Variants in KIRREL3 observed in about 807,000 individuals in gnomAD.
KIRREL3 encodes kin of IRRE-like protein 3.
Under a neutral mutation model 89.7 loss-of-function variants are expected in KIRREL3, and 36 were observed. The ratio of observed to expected loss-of-function variants is 0.40; its 90% CI spans 0.31 to 0.53. The LOEUF (loss-of-function observed/expected upper bound fraction) is 0.53, where lower values mean the gene tolerates loss of function less well. Among genes scored for constraint, KIRREL3 ranks in the 20% least tolerant of loss-of-function variants. The pLI is 0.49. For missense variants in KIRREL3, 864 were observed against 1,056.6 expected (o/e 0.82, Z 2.53); for synonymous variants, 445 against 441.4 (o/e 1.01, Z -0.10).
Position 126,722,664 on chromosome 11 carries a change from C to A in KIRREL3, c.56-159752G>T, listed in dbSNP as rs1948221367. 1.3e-5 allele frequency among the ~76,000 whole-genome samples: 2 copies of A among 152,256 alleles called. 1 individual carries two copies. Among genetic ancestry groups the A allele is most frequent in the South Asian group, 4.1e-4 (2 of 4,834 alleles). On this transcript the variant is annotated intron_variant, in intron 1 of 16. Coordinates refer to ENST00000525144, the MANE Select transcript of KIRREL3 (RefSeq NM_032531.4). ...GAATGTTTACTGACTAGTGATTAGCCTTTTCCAGGAAAAATGTGCTGAGCT... is the reference window on the plus strand; with the variant it reads ...GAATGTTTACTGACTAGTGATTAGCATTTTCCAGGAAAAATGTGCTGAGCT...
chr11:126,488,519 C>T (rs1957425450), intron 4 of KIRREL3, among the ~76,000 whole-genome samples: 6 of 152,252 alleles, frequency 3.9e-5, no homozygotes, highest in Admixed American at 2.0e-4. Context: ...AGACCCACTG[C>T]CTTCTCTTGT....
chr11:126,562,299 GA>G lies in KIRREL3; in HGVS notation c.133+535del, dbSNP rs1028332204. Among the ~76,000 whole-genome samples, 4 of 152,158 alleles carry G rather than the reference GA, an allele frequency of 2.6e-5. No individual in the cohort carries two copies. The highest frequency in any genetic ancestry group is 9.6e-5 in the African/African-American group (4 of 41,452). On this transcript the variant is annotated intron_variant, in intron 2 of 16. Coordinates refer to ENST00000525144, the MANE Select transcript of KIRREL3 (RefSeq NM_032531.4). The surrounding 1 kb of genome is among the most constrained non-coding windows in gnomAD (Gnocchi z 4.7). Reference sequence around the variant, plus strand: ...ATGAAGCCAGTGCAAGAGGAAGACAGAATGGCCTCTGAGTAAGAGGGAGGGG... The same window carrying G: ...ATGAAGCCAGTGCAAGAGGAAGACAGATGGCCTCTGAGTAAGAGGGAGGGG...
chr11:126,874,103 C>A (rs1056881184), intron 1 of KIRREL3, among the ~76,000 whole-genome samples: 2 of 152,230 alleles, frequency 1.3e-5, no homozygotes, highest in Admixed American at 6.5e-5. Flanking sequence ...TTAAATGAAA[C>A]CTTCTGGCCT....
chr11:126,927,228 GCACA>G (rs35347795), intron 1 of KIRREL3, among the ~76,000 whole-genome samples: 93,818 of 151,404 alleles, frequency 0.62, 30,137 homozygotes, highest in Middle Eastern at 0.84. Context: ...TGGGGAGTAA[GCACA>G]CACACACACA....
At position 126,568,583 on chromosome 11, in the gene KIRREL3, G is replaced by A. The variant is rs925875144; in HGVS notation, c.56-5671C>T. On this transcript the variant is annotated intron_variant, in intron 1 of 16. Coordinates refer to ENST00000525144, the MANE Select transcript of KIRREL3 (RefSeq NM_032531.4). This position sits in a 1 kb window ranked among gnomAD's most constrained non-coding sequence, Gnocchi z 4.6. ...TGGACTCACAGGGAGGCCACATGGG[G>A]CAGGGGAGGTTTCAGAACTAACAGA... 6.6e-6 allele frequency among the ~76,000 whole-genome samples: 1 copy of A among 152,184 alleles called. No homozygotes were observed. The highest frequency in any genetic ancestry group is 1.5e-5 in the Non-Finnish European group (1 of 68,036).
chr11:126,465,249 C>A (rs1479795742), intron 5 of KIRREL3, among the ~76,000 whole-genome samples: 1 of 152,194 alleles, frequency 6.6e-6, no homozygotes, highest in Admixed American at 6.5e-5. Flanking sequence ...CATAAAGTGA[C>A]AATGGCAATG....
chr11:126,660,980 G>GT (rs1425543335), intron 1 of KIRREL3, among the ~76,000 whole-genome samples: 2 of 152,214 alleles, frequency 1.3e-5, no homozygotes, highest in Admixed American at 6.5e-5. Context: ...CTTGGAAAGA[G>GT]TAAGTCTTTA....
rs925196740 is a variant in KIRREL3 at position 126,622,795 on chromosome 11, C to T, written c.56-59883G>A. On this transcript the variant is annotated intron_variant, in intron 1 of 16. Transcript: ENST00000525144. The surrounding 1 kb of genome is among the most constrained non-coding windows in gnomAD (Gnocchi z 5.2). ...AAGGAGAAAATAATCACACCAGCTACACTTTTTACAGTGCTAACTATACTT... is the reference window on the plus strand; with the variant it reads ...AAGGAGAAAATAATCACACCAGCTATACTTTTTACAGTGCTAACTATACTT... 6.6e-6 allele frequency among the ~76,000 whole-genome samples: 1 copy of T among 152,228 alleles called. No homozygotes were observed. Among genetic ancestry groups the T allele is most frequent in the Non-Finnish European group, 1.5e-5 (1 of 68,040 alleles).
intron 4 of KIRREL3, among the ~76,000 whole-genome samples, chr11:126,481,959 T>C (rs988909298): frequency 6.6e-6 from 1 of 152,254 alleles, no homozygotes; most frequent in African/African-American, 2.4e-5. Flanking sequence ...ACTTCTTACC[T>C]CAATTCCTCC....
In KIRREL3 at chr11:126,624,856, A is replaced by G. The variant is rs893307099; in HGVS notation, c.56-61944T>C. On this transcript the variant is annotated intron_variant, in intron 1 of 16. Coordinates refer to ENST00000525144, the MANE Select transcript of KIRREL3 (RefSeq NM_032531.4). This position sits in a 1 kb window ranked among gnomAD's most constrained non-coding sequence, Gnocchi z 6.0. ...TTGGATACTGACCCAGGGCTTGGGG[A>G]GATAGCCTGCACTTTCTCCAGACCT... is the stretch of plus-strand genomic sequence containing the variant. Among the ~76,000 whole-genome samples the G allele has an allele frequency of 1.3e-5, 2 of 152,102 alleles. No homozygotes were observed. Among genetic ancestry groups the G allele is most frequent in the Non-Finnish European group, 2.9e-5 (2 of 68,016 alleles).
chr11:126,846,591 C>T (rs747318929), intron 1 of KIRREL3, among the ~76,000 whole-genome samples: 3 of 152,080 alleles, frequency 2.0e-5, no homozygotes, highest in Non-Finnish European at 4.4e-5. Context: ...CCCTTACTTA[C>T]CACAGTTTTC....
chr11:126,476,913 T>C lies in KIRREL3; in HGVS notation c.434-3447A>G, dbSNP rs1268813293. 6.6e-6 allele frequency among the ~76,000 whole-genome samples: 1 copy of C among 152,264 alleles called. No homozygotes were observed. The highest frequency in any genetic ancestry group is 2.4e-5 in the African/African-American group (1 of 41,476). ...TATTATCCTCAACCACTATAGAGTT[T>C]GGGCTTCTAATTTTTAATCACAAGG... On this transcript the variant is annotated intron_variant, in intron 4 of 16. Coordinates refer to ENST00000525144, the MANE Select transcript of KIRREL3 (RefSeq NM_032531.4). The surrounding 1 kb of genome is among the most constrained non-coding windows in gnomAD (Gnocchi z 6.4).
Position 126,626,137 on chromosome 11 carries a change from G to A in KIRREL3, c.56-63225C>T, listed in dbSNP as rs1321314817. ...AATAAATTGGCCCTGTGAGATACAT[G>A]TTTCTATAGTCCTGGGTCTAGGAGG... On this transcript the variant is annotated intron_variant, in intron 1 of 16. Coordinates refer to ENST00000525144, the MANE Select transcript of KIRREL3 (RefSeq NM_032531.4). 2.6e-5 allele frequency among the ~76,000 whole-genome samples: 4 copies of A among 152,194 alleles called. No individual in the cohort carries two copies. In the East Asian group the frequency reaches 7.7e-4, roughly 29 times the overall value.
At chr11:126,700,347 G>A (rs1947266838) in intron 1 of KIRREL3, among the ~76,000 whole-genome samples, 1 of 152,166 alleles carries the variant, frequency 6.6e-6, no homozygotes. Context: ...ATTGGAAGAG[G>A]CAGCGTACCA....
rs557811171 is a variant in KIRREL3, at chr11:126,641,981, G to A, written c.56-79069C>T. On this transcript the variant is annotated intron_variant, in intron 1 of 16. Coordinates refer to ENST00000525144, the MANE Select transcript of KIRREL3 (RefSeq NM_032531.4). The surrounding 1 kb of genome is among the most constrained non-coding windows in gnomAD (Gnocchi z 5.0). ...CCTCTCTCCATTATATGAAAAGTAG[G>A]TGTCTAGTGGGGAGGAGCTTCCTTC... 2.0e-5 allele frequency among the ~76,000 whole-genome samples: 3 copies of A among 152,150 alleles called. No homozygotes were observed. The highest frequency in any genetic ancestry group is 2.0e-4 in the Admixed American group (3 of 15,286).
chr11:126,810,957 G>T (rs969307269), intron 1 of KIRREL3, among the ~76,000 whole-genome samples: 1 of 152,186 alleles, frequency 6.6e-6, no homozygotes, highest in African/African-American at 2.4e-5. Context: ...GCACACTGGA[G>T]TGTGTGCAGG....
At chr11:126,483,026 C>A (rs1041230549) in intron 4 of KIRREL3, among the ~76,000 whole-genome samples, 5 of 152,254 alleles carry the variant, frequency 3.3e-5, no homozygotes, top group Non-Finnish European at 7.3e-5. Flanking sequence ...ACTCTCCAAT[C>A]CCCTGCCTTC....
rs1376883043 is a variant in KIRREL3 at position 126,905,937 on chromosome 11, C to A, written c.55+94518G>T. Among the ~76,000 whole-genome samples the A allele has an allele frequency of 6.6e-6, 1 of 152,210 alleles. No individual in the cohort carries two copies. Among genetic ancestry groups the A allele is most frequent in the Non-Finnish European group, 1.5e-5 (1 of 68,034 alleles). Reference sequence around the variant, plus strand: ...GCACGGAGGAGATGAAACAGGCTGACAGGCAGAGCCATTCTGTTTGGGGTT... The same window carrying A: ...GCACGGAGGAGATGAAACAGGCTGAAAGGCAGAGCCATTCTGTTTGGGGTT... On this transcript the variant is annotated intron_variant, in intron 1 of 16. Transcript: ENST00000525144. The surrounding 1 kb of genome is among the most constrained non-coding windows in gnomAD (Gnocchi z 5.0).
In KIRREL3 at chr11:126,739,225, C is replaced by T. The variant is rs1948901900; in HGVS notation, c.56-176313G>A. 6.6e-6 allele frequency among the ~76,000 whole-genome samples: 1 copy of T among 152,214 alleles called. No homozygotes were observed. Among genetic ancestry groups the T allele is most frequent in the African/African-American group, 2.4e-5 (1 of 41,448 alleles). ...GAATTCCACTGATGTGAATTTCTAG[C>T]CTTCTGCATATGACTTGCCCACAGA... is the stretch of plus-strand genomic sequence containing the variant. On this transcript the variant is annotated intron_variant, in intron 1 of 16. Coordinates refer to ENST00000525144, the MANE Select transcript of KIRREL3 (RefSeq NM_032531.4). The surrounding 1 kb of genome is among the most constrained non-coding windows in gnomAD (Gnocchi z 5.5).
Sources: allele counts gnomAD v4.1 joint callset (sites outside exome capture counted in the v4.1 genomes callset), GRCh38; gene constraint gnomAD v4.1.1; non-coding constraint Gnocchi (gnomAD v3.1); transcripts MANE v1.5; gene names NCBI Gene and HGNC (gene_info 2026-07-23, HGNC 2026-07-21).